Variants in ENPP1 observed in about 807,000 individuals in gnomAD.
The protein encoded by ENPP1 is ectonucleotide pyrophosphatase/phosphodiesterase 1, also known as ectonucleotide pyrophosphatase/phosphodiesterase family member 1.
A neutral mutation model predicts 122.8 loss-of-function variants in ENPP1; 73 were observed. The observed-to-expected ratio is 0.59, with a 90% confidence interval of 0.49 to 0.72. ENPP1 has a LOEUF of 0.72. Ranked by LOEUF, ENPP1 falls within the 30% of genes least tolerant of loss-of-function variation. The pLI is 0.00. For synonymous variants in ENPP1, 367 were observed against 391.6 expected (o/e 0.94, Z 0.74); for missense variants, 978 against 1,128.1 (o/e 0.87, Z 1.91).
At position 131,879,918 on chromosome 6, in the gene ENPP1, C is replaced by T. The variant is rs1315185023; in HGVS notation, c.1984C>T (p.Pro662Ser). 1.9e-6 allele frequency: 3 copies of T among 1,613,728 alleles called. No homozygotes were observed. Among genetic ancestry groups the T allele is most frequent in the African/African-American group, 2.7e-5 (2 of 74,886 alleles). ...IKHETLPYGR[P>S]RVLQKENTIC... ...GCATGAAACTTTACCCTATGGAAGA[C>T]CTAGAGTTCTCCAGAAGGAAAACAC... is the stretch of plus-strand genomic sequence containing the variant. The change falls in exon 20 of 25, where the codon CCT becomes TCT. Residue 662 changes from proline (P) to serine (S), a missense_variant. Around this residue, in one of 3 missense-constraint regions of ENPP1, gnomAD observed 644 missense variants for 781.5 expected, o/e 0.82. Coordinates refer to ENST00000647893, the MANE Select transcript of ENPP1 (RefSeq NM_006208.3).
chr6:131,823,127 G>T (rs1781502412), intron 1 of ENPP1, among the ~76,000 whole-genome samples: 2 of 152,190 alleles, frequency 1.3e-5, no homozygotes, highest in African/African-American at 4.8e-5. Flanking sequence ...GTTAATATTT[G>T]TCAACCACTT....
intron 14 of ENPP1, 59 bp from the exon 15 acceptor site, chr6:131,872,864 T>C (rs1227920235): frequency 6.4e-7 from 1 of 1,558,304 alleles, no homozygotes; most frequent in African/African-American, 1.4e-5. Flanking sequence ...CCTAAAAAAG[T>C]TGACACTTTT....
intron 13 of ENPP1, among the ~76,000 whole-genome samples, chr6:131,869,854 TAAAAAAAAAA>T (rs757712283): frequency 1.0e-5 from 1 of 99,050 alleles, no homozygotes; most frequent in South Asian, 3.4e-4. Flanking sequence ...AGACTTGGTC[TAAAAAAAAAA>T]AAAAAAAAAA....
At chr6:131,845,897 CCTT>C (rs1291095659) in intron 1 of ENPP1, among the ~76,000 whole-genome samples, 1 of 152,154 alleles carries the variant, frequency 6.6e-6, no homozygotes, top group Non-Finnish European at 1.5e-5. Flanking sequence ...TCTGATACCT[CCTT>C]ATTTTAAGGA....
rs138791625 is a variant in ENPP1, at chr6:131,842,383, T to TA, written c.241-5391dup. On this transcript the variant is annotated intron_variant, in intron 1 of 24. Transcript: ENST00000647893. Reference sequence around the variant, plus strand: ...ACTATGTCATTTCTTAGGTTGCTTCTAACTATGTCATATCTTTATCATCAG... The same window carrying TA: ...ACTATGTCATTTCTTAGGTTGCTTCTAAACTATGTCATATCTTTATCATCAG... 9.6e-3 allele frequency among the ~76,000 whole-genome samples: 1,460 copies of TA among 152,332 alleles called. 14 individuals are homozygous for TA. The highest frequency in any genetic ancestry group is 0.016 in the Non-Finnish European group (1,093 of 68,030).
intron 9 of ENPP1, among the ~76,000 whole-genome samples, chr6:131,862,952 A>G (rs1020003944): frequency 1.3e-5 from 2 of 152,076 alleles, no homozygotes; most frequent in Non-Finnish European, 2.9e-5. Context: ...GCTATTACCA[A>G]CTTTGTTTCA....
intron 1 of ENPP1, among the ~76,000 whole-genome samples, chr6:131,811,744 A>G (rs1027581080): frequency 6.6e-6 from 1 of 152,188 alleles, no homozygotes; most frequent in Non-Finnish European, 1.5e-5. Flanking sequence ...CTGAAGTCCC[A>G]TGCTCATGTC....
intron 1 of ENPP1, chr6:131,819,934 A>G: frequency 1.9e-6 from 1 of 524,828 alleles, no homozygotes. Flanking sequence ...GAGTTTCCAT[A>G]GCTTCTTTTT....
rs1327804282 is a variant in ENPP1 at position 131,870,150 on chromosome 6, CAA to C, written c.1405+662_1405+663del. Among the ~76,000 whole-genome samples the C allele has an allele frequency of 2.0e-5, 3 of 151,930 alleles. No individual in the cohort carries two copies. The East Asian group carries it at 5.8e-4, about 29-fold the overall frequency. Reference sequence around the variant, plus strand: ...AGAGAGAAATCCAACTACATTTATTCAAGTTTAATTAATTAATGACACTCCAT... The same window carrying C: ...AGAGAGAAATCCAACTACATTTATTCGTTTAATTAATTAATGACACTCCAT... On this transcript the variant is annotated intron_variant, in intron 13 of 24. Coordinates refer to ENST00000647893, the MANE Select transcript of ENPP1 (RefSeq NM_006208.3).
intron 1 of ENPP1, among the ~76,000 whole-genome samples, chr6:131,818,126 A>G (rs1475833086): frequency 1.3e-5 from 2 of 152,074 alleles, no homozygotes; most frequent in Non-Finnish European, 1.5e-5. Flanking sequence ...ATGCTCTCTT[A>G]TGGTTAGAGA....
intron 1 of ENPP1, among the ~76,000 whole-genome samples, chr6:131,813,842 G>A (rs896127100): frequency 2.8e-4 from 43 of 152,158 alleles, no homozygotes; most frequent in African/African-American, 9.2e-4. Flanking sequence ...CACTCAGTTG[G>A]TCGAGGGCTT....
chr6:131,820,632 T>C (rs1464876218), intron 1 of ENPP1: 1 of 152,220 alleles, frequency 6.6e-6, no homozygotes, highest in East Asian at 1.9e-4. Flanking sequence ...TTACATTCTT[T>C]TATAAATTTC....
chr6:131,872,111 T>C lies in ENPP1; in HGVS notation c.1437+10T>C, dbSNP rs1782169757. 1.9e-6 allele frequency: 3 copies of C among 1,561,092 alleles called. No homozygotes were observed. Among genetic ancestry groups the C allele is most frequent in the Non-Finnish European group, 2.6e-6 (3 of 1,139,238 alleles). On this transcript the variant is annotated intron_variant, in intron 14 of 24. Coordinates refer to ENST00000647893, the MANE Select transcript of ENPP1 (RefSeq NM_006208.3). ...TGCCCGAAATCTTTCTGTGAGTATCTTTATTTTCCATTATCTAGTTATTTT... is the reference window on the plus strand; with the variant it reads ...TGCCCGAAATCTTTCTGTGAGTATCCTTATTTTCCATTATCTAGTTATTTT...
intron 18 of ENPP1, 127 bp downstream of exon 18, chr6:131,877,288 TAATTC>T: frequency 1.2e-5 from 11 of 885,792 alleles, no homozygotes; most frequent in Non-Finnish European, 2.0e-5. Context: ...ACATATGTTT[TAATTC>T]TAGGGGGCGC....
intron 1 of ENPP1, among the ~76,000 whole-genome samples, chr6:131,824,709 C>T (rs981095349): frequency 2.6e-5 from 4 of 152,246 alleles, no homozygotes; most frequent in South Asian, 4.1e-4. Flanking sequence ...CCACCTCGGC[C>T]TCCCAAAGTG....
intron 14 of ENPP1, among the ~76,000 whole-genome samples, 173 bp downstream of exon 14, chr6:131,872,274 C>A (rs184230681): frequency 6.6e-6 from 1 of 152,012 alleles, no homozygotes; most frequent in East Asian, 1.9e-4. Context: ...TCCCAATAAT[C>A]CAGGTTTGAA....
intron 9 of ENPP1, among the ~76,000 whole-genome samples, chr6:131,863,902 G>A (rs1782055266): frequency 6.6e-6 from 1 of 152,036 alleles, no homozygotes; most frequent in South Asian, 2.1e-4. Context: ...GTGACAGAGT[G>A]AGACTCTGTC....
At chr6:131,877,250 A>G in intron 18 of ENPP1, 89 bp downstream of exon 18, 2 of 1,325,450 alleles carry the variant, frequency 1.5e-6, no homozygotes, top group Non-Finnish European at 2.1e-6. Flanking sequence ...TAATAATCAA[A>G]TTAGAATTTA....
At chr6:131,837,172 T>TTTG (rs376422195) in intron 1 of ENPP1, among the ~76,000 whole-genome samples, 2 of 136,058 alleles carry the variant, frequency 1.5e-5, no homozygotes, top group South Asian at 2.7e-4. Context: ...CCTGTTGTCA[T>TTTG]TGTGTGTGTG....
Sources: gnomAD v4.1 joint callset for allele counts (sites outside exome capture counted in the v4.1 genomes callset) on GRCh38, gnomAD v4.1.1 for gene constraint, gnomAD v4.1.1 regional missense constraint, MANE v1.5 for transcripts, NCBI Gene and HGNC (gene_info 2026-07-23, HGNC 2026-07-21) for gene names.